ZNF516: variants seen among roughly 807,000 people sequenced by gnomAD.
ZNF516 encodes the protein zinc finger protein 516.
In ZNF516, 19 loss-of-function variants were observed where a neutral mutation model predicts 79.7. That is an observed-to-expected ratio of 0.24 (90% CI 0.17 to 0.35). ZNF516 has a LOEUF of 0.35. Ranked by LOEUF, ZNF516 falls within the 10% of genes least tolerant of loss-of-function variation. ZNF516 has a pLI of 1.00. For missense variants in ZNF516, 1,678 were observed against 1,679.5 expected (o/e 1.00, Z 0.02); for synonymous variants, 877 against 739.5 (o/e 1.19, Z -3.02).
At chr18:76,489,863 T>C (rs1200519420) in intron 1 of ZNF516, among the ~76,000 whole-genome samples, 1 of 152,228 alleles carries the variant, frequency 6.6e-6, no homozygotes, top group African/African-American at 2.4e-5. Context: ...CTCCCATCTC[T>C]CTGCATTGTT....
chr18:76,364,470 C>T (rs757640631), intron 6 of ZNF516, among the ~76,000 whole-genome samples: 6 of 152,184 alleles, frequency 3.9e-5, no homozygotes, highest in Non-Finnish European at 5.9e-5. Flanking sequence ...ACATGAGAAG[C>T]TTTCGGAAGA....
At chr18:76,440,573 C>T (rs1051511235) in intron 3 of ZNF516, among the ~76,000 whole-genome samples, 6 of 152,192 alleles carry the variant, frequency 3.9e-5, no homozygotes, top group Non-Finnish European at 5.9e-5. Context: ...ACAAAGTTGG[C>T]CAAGCATCTT....
At chr18:76,489,262 T>C (rs1048566059) in intron 1 of ZNF516, among the ~76,000 whole-genome samples, 17 of 152,222 alleles carry the variant, frequency 1.1e-4, no homozygotes, top group Admixed American at 2.0e-4. Flanking sequence ...GAATAATCCA[T>C]GACTAAACTC....
At chr18:76,440,219 C>G (rs957178209) in intron 3 of ZNF516, among the ~76,000 whole-genome samples, 1 of 152,152 alleles carries the variant, frequency 6.6e-6, no homozygotes, top group Admixed American at 6.5e-5. Flanking sequence ...GTGTAAGACG[C>G]TAATAAACTC....
chr18:76,434,078 C>T (rs560161103), intron 3 of ZNF516, among the ~76,000 whole-genome samples: 21 of 148,180 alleles, frequency 1.4e-4, no homozygotes, highest in South Asian at 1.3e-3. Flanking sequence ...CAGGAACTGA[C>T]GGCTCGGAGT....
At chr18:76,380,372 G>A (rs1009060869) in intron 3 of ZNF516, 69 bp from the exon 4 acceptor site, 148 of 1,551,270 alleles carry the variant, frequency 9.5e-5, no homozygotes, top group Middle Eastern at 8.7e-4. Context: ...CACACGGTGC[G>A]TACAGCTACA....
chr18:76,415,050 T>C (rs2075415670), intron 3 of ZNF516, among the ~76,000 whole-genome samples: 1 of 152,028 alleles, frequency 6.6e-6, no homozygotes, highest in Non-Finnish European at 1.5e-5. Context: ...ATACAAAAAT[T>C]AGCCAAGTGT....
intron 3 of ZNF516, among the ~76,000 whole-genome samples, chr18:76,401,782 A>C (rs866285398): frequency 2.7e-4 from 25 of 93,736 alleles, no homozygotes; most frequent in Admixed American, 9.1e-4. Context: ...CTCTCCACCA[A>C]CCACACCCCC....
At chr18:76,431,807 C>A (rs534908882) in intron 3 of ZNF516, among the ~76,000 whole-genome samples, 1 of 152,328 alleles carries the variant, frequency 6.6e-6, no homozygotes, top group Non-Finnish European at 1.5e-5. Context: ...GCTCCCTATA[C>A]AGTCTGCAGA....
At chr18:76,475,142 C>A (rs1286972011) in intron 1 of ZNF516, among the ~76,000 whole-genome samples, 1 of 152,188 alleles carries the variant, frequency 6.6e-6, no homozygotes, top group Non-Finnish European at 1.5e-5. Flanking sequence ...ATATTTGTAA[C>A]TCATCAGCAA....
chr18:76,381,455 A>G (rs1392060102), intron 3 of ZNF516, among the ~76,000 whole-genome samples: 1 of 152,202 alleles, frequency 6.6e-6, no homozygotes, highest in African/African-American at 2.4e-5. Flanking sequence ...TGGTTTTCAA[A>G]TAAGATTTTC....
At chr18:76,411,584 C>A (rs1393852697) in intron 3 of ZNF516, among the ~76,000 whole-genome samples, 1 of 152,122 alleles carries the variant, frequency 6.6e-6, no homozygotes, top group East Asian at 1.9e-4. Flanking sequence ...TTAAAAGTTA[C>A]AAAATACGCC....
At chr18:76,385,488 T>C (rs915249359) in intron 3 of ZNF516, among the ~76,000 whole-genome samples, 1 of 152,224 alleles carries the variant, frequency 6.6e-6, no homozygotes, top group African/African-American at 2.4e-5. Flanking sequence ...AAAATATACA[T>C]AACAAAAAAG....
At chr18:76,384,980 G>A (rs938341702) in intron 3 of ZNF516, among the ~76,000 whole-genome samples, 5 of 152,254 alleles carry the variant, frequency 3.3e-5, no homozygotes, top group African/African-American at 1.2e-4. Flanking sequence ...GAAAGGCCTG[G>A]CAGCGGCCCT....
In ZNF516 at chr18:76,370,544, G is replaced by A; in HGVS notation, c.3416C>T (p.Ala1139Val). ...PRGSEVHTTS[A>V]DAPKQGRDHS... Reference sequence around the variant, plus strand: ...GAGACCTACTTGTTTGGGGGCGTCTGCGGAGGTGGTATGAACTTCAGAACC... The same window carrying A: ...GAGACCTACTTGTTTGGGGGCGTCTACGGAGGTGGTATGAACTTCAGAACC... Residue 1139 changes from alanine (A) to valine (V), a missense_variant, in exon 6 of 7, where the codon GCA (alanine) becomes GTA (valine). Around this residue, in one of 5 missense-constraint regions of ZNF516, gnomAD observed 1,294 missense variants for 1,248.3 expected, o/e 1.04. Coordinates refer to ENST00000443185, the MANE Select transcript of ZNF516 (RefSeq NM_014643.4). 6.2e-7 allele frequency: 1 copy of A among 1,608,378 alleles called. No homozygotes were observed. The highest frequency in any genetic ancestry group is 1.1e-5 in the South Asian group (1 of 89,736).
intron 2 of ZNF516, among the ~76,000 whole-genome samples, chr18:76,450,076 T>C (rs1912302207): frequency 6.6e-6 from 1 of 151,936 alleles, no homozygotes; most frequent in Non-Finnish European, 1.5e-5. Context: ...AGTGGTCTTA[T>C]TCTTTGGAGA....
chr18:76,441,693 G>A lies in ZNF516; in HGVS notation c.1362C>T (p.Arg454=), dbSNP rs763027474. ...TCTCCTGGCTCACCAGGACGTACTCGCGCCTGTCCTTGTCGAAGGCCACGT... is the reference window on the plus strand; with the variant it reads ...TCTCCTGGCTCACCAGGACGTACTCACGCCTGTCCTTGTCGAAGGCCACGT... The part of the protein sequence containing the change: ...AGDVAFDKDR[R]EYVLVSQEKR... The change falls in exon 3 of 7, where the codon CGC becomes CGT. Residue 454 remains arginine (R), a synonymous_variant. Coordinates refer to ENST00000443185, the MANE Select transcript of ZNF516 (RefSeq NM_014643.4). 35 of 1,565,018 alleles carry A rather than the reference G, an allele frequency of 2.2e-5. No individual in the cohort carries two copies. The highest frequency in any genetic ancestry group is 2.9e-5 in the Non-Finnish European group (34 of 1,158,208).
chr18:76,404,790 C>A lies in ZNF516; in HGVS notation c.1811-24487G>T, dbSNP rs1599036637. 4.0e-5 allele frequency among the ~76,000 whole-genome samples: 6 copies of A among 151,394 alleles called. No homozygotes were observed. The South Asian group carries it at 1.0e-3, about 26-fold the overall frequency. ...CTTTGAGCATGAGTACATGTGTGAG[C>A]ATATGTGTGCATGTTAGCATGTGTG... On this transcript the variant is annotated intron_variant, in intron 3 of 6. Transcript: ENST00000443185.
In ZNF516 at chr18:76,438,119, C is replaced by T. The variant is rs144572576; in HGVS notation, c.1810+3126G>A. Among the ~76,000 whole-genome samples the T allele has an allele frequency of 2.8e-3, 428 of 152,348 alleles. 2 individuals carry two copies. Among genetic ancestry groups the T allele is most frequent in the African/African-American group, 9.7e-3 (404 of 41,582 alleles). ...TGCATTATGAGCACCTCAGAGCATC[C>T]GCCATGGCCTGGGCACCAGGCATCC... is the stretch of plus-strand genomic sequence containing the variant. On this transcript the variant is annotated intron_variant, in intron 3 of 6. Coordinates refer to ENST00000443185, the MANE Select transcript of ZNF516 (RefSeq NM_014643.4).
Sources: allele counts gnomAD v4.1 joint callset (sites outside exome capture counted in the v4.1 genomes callset), GRCh38; gene constraint gnomAD v4.1.1; regional missense constraint gnomAD v4.1.1; transcripts MANE v1.5; gene names NCBI Gene and HGNC (gene_info 2026-07-23, HGNC 2026-07-21).